NRG3: variants seen among roughly 807,000 people sequenced by gnomAD.
The protein encoded by NRG3 is pro-neuregulin-3, membrane-bound isoform.
A neutral mutation model predicts 66.9 loss-of-function variants in NRG3; 31 were observed. The observed-to-expected ratio is 0.46, with a 90% CI of 0.35 to 0.63. The LOEUF (loss-of-function observed/expected upper bound fraction) is 0.63. NRG3 is among the 20% of genes least tolerant of loss of function. The pLI, the probability that NRG3 is intolerant of heterozygous loss-of-function variation, is 0.00. For missense variants in NRG3, 910 were observed against 878.9 expected (o/e 1.04, Z -0.45); for synonymous variants, 393 against 359.4 (o/e 1.09, Z -1.06).
At chr10:82,769,842 A>G (rs1291374400) in intron 3 of NRG3, among the ~76,000 whole-genome samples, 3 of 152,158 alleles carry the variant, frequency 2.0e-5, no homozygotes, top group Non-Finnish European at 4.4e-5. Flanking sequence ...TCAGACATGT[A>G]TACCTAATAC....
chr10:82,234,215 A>G (rs2076643507), intron 1 of NRG3, among the ~76,000 whole-genome samples: 1 of 151,910 alleles, frequency 6.6e-6, no homozygotes, highest in Non-Finnish European at 1.5e-5. Context: ...TTCTCCCCCA[A>G]CTCACTACGC....
chr10:82,157,177 C>G (rs1280084185), intron 1 of NRG3, among the ~76,000 whole-genome samples: 2 of 151,600 alleles, frequency 1.3e-5, no homozygotes, highest in African/African-American at 4.8e-5. Flanking sequence ...TTTCTTATTG[C>G]AATTTATCAT....
chr10:81,943,659 A>G (rs1319741030), intron 1 of NRG3, among the ~76,000 whole-genome samples: 1 of 152,208 alleles, frequency 6.6e-6, no homozygotes, highest in African/African-American at 2.4e-5. Flanking sequence ...TAAGACCCAT[A>G]AAGTAGACCA....
intron 1 of NRG3, among the ~76,000 whole-genome samples, chr10:81,997,999 T>G (rs1232035849): frequency 1.3e-5 from 2 of 152,090 alleles, no homozygotes; most frequent in African/African-American, 2.4e-5. Context: ...GGGTGATTTG[T>G]GAGTCTTCAT....
intron 2 of NRG3, among the ~76,000 whole-genome samples, chr10:82,463,853 G>T (rs1025249151): frequency 2.0e-5 from 3 of 152,214 alleles, no homozygotes; most frequent in African/African-American, 7.2e-5. Context: ...TCATATCACT[G>T]CATGAATCTT....
At chr10:82,296,012 A>G (rs926708732) in intron 1 of NRG3, among the ~76,000 whole-genome samples, 16 of 152,156 alleles carry the variant, frequency 1.1e-4, no homozygotes, top group African/African-American at 3.6e-4. Flanking sequence ...CTATGCATAT[A>G]ATGGTAGCTT....
intron 3 of NRG3, among the ~76,000 whole-genome samples, chr10:82,756,487 G>A (rs975682590): frequency 6.6e-6 from 1 of 152,070 alleles, no homozygotes; most frequent in Admixed American, 6.6e-5. Context: ...CCCAGTGTAT[G>A]TAGTTCGTAG....
intron 3 of NRG3, among the ~76,000 whole-genome samples, chr10:82,776,893 A>T (rs1394262600): frequency 6.6e-6 from 1 of 151,980 alleles, no homozygotes; most frequent in East Asian, 1.9e-4. Flanking sequence ...ATGATTATGT[A>T]TTCATCTTCA....
chr10:82,671,235 A>C (rs920778820), intron 2 of NRG3, among the ~76,000 whole-genome samples: 25 of 151,950 alleles, frequency 1.6e-4, no homozygotes, highest in African/African-American at 4.8e-4. Flanking sequence ...TAGTTATGTC[A>C]CTCTCAGTAA....
intron 1 of NRG3, among the ~76,000 whole-genome samples, chr10:81,947,258 C>T (rs1848929651): frequency 6.6e-6 from 1 of 152,102 alleles, no homozygotes; most frequent in East Asian, 1.9e-4. Flanking sequence ...CATAAGAACA[C>T]TGTTTATGTA....
intron 3 of NRG3, among the ~76,000 whole-genome samples, chr10:82,781,768 C>T (rs1226867166): frequency 6.6e-6 from 1 of 152,048 alleles, no homozygotes; most frequent in Non-Finnish European, 1.5e-5. Context: ...AAGGCATCTT[C>T]TTACTCCTGT....
intron 2 of NRG3, among the ~76,000 whole-genome samples, chr10:82,578,473 T>C (rs1188058264): frequency 2.0e-5 from 3 of 151,362 alleles, no homozygotes; most frequent in Admixed American, 6.6e-5. Context: ...AAAACTTTAT[T>C]TTAAAAAACA....
intron 4 of NRG3, among the ~76,000 whole-genome samples, chr10:82,893,998 C>G (rs941428223): frequency 6.6e-6 from 1 of 152,132 alleles, no homozygotes; most frequent in African/African-American, 2.4e-5. Context: ...AAACAAACAT[C>G]AAGCTCAGTT....
chr10:82,694,686 G>T (rs759296712), intron 2 of NRG3, among the ~76,000 whole-genome samples: 2 of 152,170 alleles, frequency 1.3e-5, no homozygotes, highest in African/African-American at 2.4e-5. Context: ...CCAGAAGGTT[G>T]AGGCTGCACT....
chr10:82,602,281 C>A (rs1193128425), intron 2 of NRG3, among the ~76,000 whole-genome samples: 1 of 152,046 alleles, frequency 6.6e-6, no homozygotes, highest in Non-Finnish European at 1.5e-5. Flanking sequence ...TCTATGCCTG[C>A]ATTCTTGATA....
chr10:82,390,260 C>T (rs1358002959), intron 2 of NRG3, among the ~76,000 whole-genome samples: 1 of 151,998 alleles, frequency 6.6e-6, no homozygotes, highest in Non-Finnish European at 1.5e-5. Context: ...ATGGCATTTC[C>T]CTATGTCACT....
chr10:82,018,594 A>G (rs1256588975), intron 1 of NRG3, among the ~76,000 whole-genome samples: 2 of 151,976 alleles, frequency 1.3e-5, no homozygotes, highest in East Asian at 1.9e-4. Flanking sequence ...ATTTGTTTGT[A>G]TCCTCTTTTA....
chr10:82,410,277 G>A (rs1353288080), intron 2 of NRG3, among the ~76,000 whole-genome samples: 3 of 151,894 alleles, frequency 2.0e-5, no homozygotes, highest in Non-Finnish European at 4.4e-5. Flanking sequence ...CTTATCTTAT[G>A]TATTATTATA....
At chr10:82,948,004 A>G (rs940119959) in intron 4 of NRG3, among the ~76,000 whole-genome samples, 2 of 152,080 alleles carry the variant, frequency 1.3e-5, no homozygotes, top group Non-Finnish European at 2.9e-5. Flanking sequence ...AATCCATGGC[A>G]CTAAGATTTT....
Sources: allele counts gnomAD v4.1 joint callset (sites outside exome capture counted in the v4.1 genomes callset), GRCh38; gene constraint gnomAD v4.1.1; transcripts MANE v1.5; gene names NCBI Gene and HGNC (gene_info 2026-07-23, HGNC 2026-07-21).